GRIP1: variants seen among roughly 807,000 people sequenced by gnomAD.
GRIP1 encodes glutamate receptor-interacting protein 1.
A neutral mutation model predicts 129.9 loss-of-function variants in GRIP1; 45 were observed. The observed-to-expected ratio is 0.35, with a 90% CI of 0.27 to 0.44. The LOEUF (loss-of-function observed/expected upper bound fraction) is 0.44, where lower values mean the gene tolerates loss of function less well. GRIP1 is among the 20% of genes least tolerant of loss of function. GRIP1 has a pLI of 1.00. For synonymous variants in GRIP1, 530 were observed against 520.8 expected (o/e 1.02, Z -0.24); for missense variants, 1,196 against 1,396.8 (o/e 0.86, Z 2.29).
At chr12:66,546,903 A>G (rs114789728) in intron 2 of GRIP1, among the ~76,000 whole-genome samples, 195 of 152,296 alleles carry the variant, frequency 1.3e-3, no homozygotes, top group African/African-American at 4.6e-3. Flanking sequence ...AAAAAAAATC[A>G]GCAAATTGGA....
chr12:66,988,389 T>C (rs188256782), intron 1 of GRIP1, among the ~76,000 whole-genome samples: 1 of 151,578 alleles, frequency 6.6e-6, no homozygotes, highest in African/African-American at 2.4e-5. Context: ...TTTCTTTTTC[T>C]TTTTTTTTAG....
intron 24 of GRIP1, among the ~76,000 whole-genome samples, chr12:66,353,081 G>A (rs1374458330): frequency 6.6e-6 from 1 of 152,188 alleles, no homozygotes; most frequent in Non-Finnish European, 1.5e-5. Context: ...TAGACTGGTG[G>A]TGCCTGGAGT....
At chr12:66,776,612 G>GTTTGC (rs1417089660) in intron 1 of GRIP1, among the ~76,000 whole-genome samples, 1 of 152,174 alleles carries the variant, frequency 6.6e-6, no homozygotes, top group Non-Finnish European at 1.5e-5. Context: ...ACATGCACAA[G>GTTTGC]TAAATACAGA....
At chr12:66,689,017 C>G (rs1048701257) in intron 1 of GRIP1, among the ~76,000 whole-genome samples, 2 of 152,114 alleles carry the variant, frequency 1.3e-5, no homozygotes, top group African/African-American at 4.8e-5. Flanking sequence ...CAGGTCTGCA[C>G]AGCTGCACAG....
chr12:66,645,840 C>T lies in GRIP1; in HGVS notation c.55+33010G>A, dbSNP rs116052797. 7.9e-3 allele frequency among the ~76,000 whole-genome samples: 1,201 copies of T among 152,262 alleles called. 14 individuals are homozygous for T. Among genetic ancestry groups the T allele is most frequent in the African/African-American group, 0.028 (1,157 of 41,536 alleles). On this transcript the variant is annotated intron_variant, in intron 1 of 24. Transcript: ENST00000359742. ...TGACTTAGCAAGAAATTCAAGAGGACTCTGATCCAGGTTAACCTTTGTATC... is the reference window on the plus strand; with the variant it reads ...TGACTTAGCAAGAAATTCAAGAGGATTCTGATCCAGGTTAACCTTTGTATC...
intron 11 of GRIP1, among the ~76,000 whole-genome samples, chr12:66,454,133 G>A (rs1281498895): frequency 3.9e-5 from 6 of 152,198 alleles, no homozygotes; most frequent in African/African-American, 1.4e-4. Flanking sequence ...GTTCACTGTA[G>A]GGAAAGCTTC....
chr12:66,975,583 A>G (rs914158064), intron 1 of GRIP1, among the ~76,000 whole-genome samples: 2 of 152,238 alleles, frequency 1.3e-5, no homozygotes, highest in Non-Finnish European at 2.9e-5. Context: ...CCATCGTCAC[A>G]TGAAAAGGCA....
intron 1 of GRIP1, among the ~76,000 whole-genome samples, chr12:66,897,612 G>A (rs2040772190): frequency 1.3e-5 from 2 of 152,156 alleles, no homozygotes; most frequent in African/African-American, 2.4e-5. Flanking sequence ...AAACAGACAA[G>A]GGTTTTCTCT....
chr12:66,857,211 CG>C (rs1311213680), intron 1 of GRIP1, among the ~76,000 whole-genome samples: 1 of 127,454 alleles, frequency 7.8e-6, no homozygotes, highest in Non-Finnish European at 1.6e-5. Flanking sequence ...CATCACACAC[CG>C]GGGCCTGTTG....
intron 3 of GRIP1, among the ~76,000 whole-genome samples, chr12:66,539,562 T>TTTTTTTTTTTTTC: frequency 6.8e-6 from 1 of 147,466 alleles, no homozygotes; most frequent in Admixed American, 6.7e-5. Flanking sequence ...TTTTTTTTTT[T>TTTTTTTTTTTTTC]TTTTTTTCAG....
At chr12:66,369,515 CTG>C (rs1195985949) in intron 23 of GRIP1, among the ~76,000 whole-genome samples, 1 of 152,068 alleles carries the variant, frequency 6.6e-6, no homozygotes, top group Non-Finnish European at 1.5e-5. Flanking sequence ...TTGGAGGTAA[CTG>C]TTTCACTCCA....
chr12:66,955,579 C>T (rs976809497), intron 1 of GRIP1, among the ~76,000 whole-genome samples: 1 of 148,356 alleles, frequency 6.7e-6, no homozygotes, highest in Admixed American at 6.8e-5. Flanking sequence ...GCAATCTCGG[C>T]TCACTGCAAC....
At chr12:66,639,097 T>C (rs2136075425) in intron 1 of GRIP1, among the ~76,000 whole-genome samples, 2 of 152,336 alleles carry the variant, frequency 1.3e-5, no homozygotes, top group Non-Finnish European at 2.9e-5. Flanking sequence ...GTAGCAGATA[T>C]ACATATATAC....
Position 66,423,384 on chromosome 12 carries a change from C to T in GRIP1, c.1769-2595G>A, listed in dbSNP as rs148579217. Among the ~76,000 whole-genome samples, 197 of 152,320 alleles carry T rather than the reference C, an allele frequency of 1.3e-3. 2 individuals carry two copies. Among genetic ancestry groups the T allele is most frequent in the African/African-American group, 4.4e-3 (185 of 41,576 alleles). On this transcript the variant is annotated intron_variant, in intron 14 of 24. Transcript: ENST00000359742. ...GTTTATTGTTGCTATTATTGTTTAA[C>T]AACAGTGGACTGTTTCCCACTACCT...
At chr12:66,417,449 C>T (rs73315160) in intron 15 of GRIP1, among the ~76,000 whole-genome samples, 9,746 of 152,040 alleles carry the variant, frequency 0.064, 818 homozygotes, top group African/African-American at 0.19. Context: ...TAGAGCAATC[C>T]CACAAGGGAA....
intron 1 of GRIP1, among the ~76,000 whole-genome samples, chr12:66,605,274 T>C (rs913661863): frequency 6.6e-6 from 1 of 152,170 alleles, no homozygotes; most frequent in Non-Finnish European, 1.5e-5. Context: ...ATTGCTTCTT[T>C]TTTTGCCCCT....
chr12:66,967,302 G>T (rs1047953544), intron 1 of GRIP1, among the ~76,000 whole-genome samples: 2 of 152,054 alleles, frequency 1.3e-5, no homozygotes, highest in Non-Finnish European at 2.9e-5. Context: ...TCAAATATGT[G>T]TCATTTCTTT....
intron 1 of GRIP1, among the ~76,000 whole-genome samples, chr12:66,625,862 T>C (rs949815714): frequency 6.6e-6 from 1 of 152,094 alleles, no homozygotes; most frequent in Non-Finnish European, 1.5e-5. Context: ...TAATAAAATA[T>C]TTATTTTATA....
At chr12:66,984,176 G>A (rs1438685990) in intron 1 of GRIP1, among the ~76,000 whole-genome samples, 1 of 152,262 alleles carries the variant, frequency 6.6e-6, no homozygotes, top group Non-Finnish European at 1.5e-5. Context: ...TAGTTATAAT[G>A]AGCCTACAGC....
Sources: allele counts gnomAD v4.1 joint callset (sites outside exome capture counted in the v4.1 genomes callset), GRCh38; gene constraint gnomAD v4.1.1; transcripts MANE v1.5; gene names NCBI Gene and HGNC (gene_info 2026-07-23, HGNC 2026-07-21).